MUC3A: variants seen among roughly 807,000 people sequenced by gnomAD.
MUC3A encodes the protein mucin 3A, cell surface associated.
Under a neutral mutation model 109.0 loss-of-function variants are expected in MUC3A, and 109 were observed. That is an observed-to-expected ratio of 1.00 (90% CI 0.86 to 1.17). The LOEUF (loss-of-function observed/expected upper bound fraction) is 1.17. Ranked by LOEUF, MUC3A falls within the 50% of genes most tolerant of loss-of-function variation. MUC3A has a pLI of 0.00. For missense variants in MUC3A, 3,537 were observed against 2,469.4 expected (o/e 1.43, Z -9.16); for synonymous variants, 1,398 against 981.4 (o/e 1.42, Z -7.93).
intron 4 of MUC3A, 98 bp from the exon 5 acceptor site, chr7:100,963,590 G>A: frequency 6.4e-7 from 1 of 1,573,398 alleles, no homozygotes; most frequent in Non-Finnish European, 8.6e-7. Flanking sequence ...CGGCCGGGGA[G>A]GGGAATTGAA....
Position 100,967,325 on chromosome 7 carries a change from C to G in MUC3A, c.*163C>G. On this transcript the variant is annotated 3_prime_UTR_variant, in exon 12 of 12. Coordinates refer to ENST00000379458, the MANE Select transcript of MUC3A (RefSeq NM_005960.2). The stretch of plus-strand genomic sequence containing the variant: ...CCAAATCCCATCCTTCTCCTTCCAA[C>G]TTGGCTGAAACCCACCTGGAGACGC... 8.2e-7 allele frequency: 1 copy of G among 1,226,138 alleles called. No homozygotes were observed. 76.0% of individuals were successfully genotyped at this position (1,226,138 alleles called of 1,614,324 possible).
Position 100,958,611 on chromosome 7 carries a change from A to T in MUC3A, c.6832A>T (p.Thr2278Ser). 15 of 1,109,776 alleles carry T rather than the reference A, an allele frequency of 1.4e-5. 1 individual carries two copies. The African/African-American group carries it at 4.6e-4, about 34-fold the overall frequency. The allele number at this position is 1,109,776 out of a possible 1,614,324, so 68.7% of individuals were successfully genotyped here. ...TACTCCCAGCTTCACTTCTTCAATC[A>T]CCACCAGTGAGACCCCCTCACACAG... ...HDTPSFTSSI[T>S]TSETPSHSTP... Residue 2278 changes from threonine (T) to serine (S), a missense_variant, in exon 2 of 12, where the codon ACC (threonine) becomes TCC (serine). Thr to Ser is a moderately conservative substitution (Grantham distance 58). Transcript: ENST00000379458.
rs764356902 is a variant in MUC3A at position 100,958,840 on chromosome 7, G to A, written c.7061G>A (p.Ser2354Asn). The A allele has an allele frequency of 2.6e-6, 4 of 1,529,334 alleles. No homozygotes were observed. Among genetic ancestry groups the A allele is most frequent in the Non-Finnish European group, 1.8e-6 (2 of 1,139,716 alleles). The allele number at this position is 1,529,334 out of a possible 1,614,324, so 94.7% of individuals were successfully genotyped here. A position where few individuals can be genotyped will look rare whatever the true frequency, so the allele number is the denominator to read the frequency against. The change falls in exon 2 of 12, where the codon AGT becomes AAT. Residue 2354 changes from serine (S) to asparagine (N), a missense_variant. Coordinates refer to ENST00000379458, the MANE Select transcript of MUC3A (RefSeq NM_005960.2). ...ACCACCACCGAGACCAACTCTCACA[G>A]TACTACCAGCTTCACTTCTTCGATC... ...SITTTETNSH[S>N]TTSFTSSITT... is the part of the protein sequence containing the mutation.
At position 100,953,186 on chromosome 7, in the gene MUC3A, A is replaced by G. The variant is rs1194196348; in HGVS notation, c.1407A>G (p.Thr469=). 3 of 454,788 alleles carry G rather than the reference A, an allele frequency of 6.6e-6. No homozygotes were observed. The highest frequency in any genetic ancestry group is 1.1e-5 in the Non-Finnish European group (3 of 269,734). 28.2% of individuals were successfully genotyped at this position (454,788 alleles called of 1,614,324 possible). The part of the protein sequence containing the change: ...TGFLTTATDL[T]STFTVSSSSA... The stretch of plus-strand genomic sequence containing the variant: ...TCCTGACTACAGCAACAGACCTCAC[A>G]TCAACATTCACGGTTTCCAGTTCCT... Residue 469 remains threonine (T), a synonymous_variant, in exon 2 of 12, where the codon ACA becomes ACG. Coordinates refer to ENST00000379458, the MANE Select transcript of MUC3A (RefSeq NM_005960.2).
rs2116183424 is a variant in MUC3A at position 100,957,966 on chromosome 7, A to C, written c.6187A>C (p.Ile2063Leu). 2 of 780,204 alleles carry C rather than the reference A, an allele frequency of 2.6e-6. No individual in the cohort carries two copies. The highest frequency in any genetic ancestry group is 4.8e-5 in the East Asian group (2 of 41,240). The allele number at this position is 780,204 out of a possible 1,614,324, so 48.3% of individuals were successfully genotyped here. The change falls in exon 2 of 12, where the codon ATC (isoleucine) becomes CTC (leucine). Residue 2063 changes from isoleucine (I) to leucine (L), a missense_variant. Coordinates refer to ENST00000379458, the MANE Select transcript of MUC3A (RefSeq NM_005960.2). Reference sequence around the variant, plus strand: ...CAGTACTCCCAGCTTCACTTCATTGATCACCATCACCGAGATCACCTCACA... The same window carrying C: ...CAGTACTCCCAGCTTCACTTCATTGCTCACCATCACCGAGATCACCTCACA... Reference protein sequence around the residue: ...SHSTPSFTSLITITEITSHST... With the variant: ...SHSTPSFTSLLTITEITSHST...
rs775647017 is a variant in MUC3A, at chr7:100,952,026, C to A, written c.247C>A (p.His83Asn). Residue 83 changes from histidine to asparagine, a missense_variant, in exon 2 of 12, where the codon CAT becomes AAT. Coordinates refer to ENST00000379458, the MANE Select transcript of MUC3A (RefSeq NM_005960.2). The stretch of plus-strand genomic sequence containing the variant: ...ACCTATGACACTCACTACCTCCCCC[C>A]ATGACACACTCATCTCTGAAACATT... ...NAPMTLTTSP[H>N]DTLISETLLN... 6 of 1,598,560 alleles carry A rather than the reference C, an allele frequency of 3.8e-6. No individual in the cohort carries two copies. In the East Asian group the frequency reaches 6.7e-5, roughly 18 times the overall value.
rs1246020350 is a variant in MUC3A, at chr7:100,955,068, G to A, written c.3289G>A (p.Asp1097Asn). ...TACTTCTCCCACCAGCATTGTCTCA[G>A]ACTCCACGACTGAAATCACCTATTC... The part of the protein sequence containing the change: ...YPTSPTSIVS[D>N]STTEITYSTS... The change falls in exon 2 of 12, where the codon GAC (aspartate) becomes AAC (asparagine). Residue 1097 changes from aspartate (D) to asparagine (N), a missense_variant. Coordinates refer to ENST00000379458, the MANE Select transcript of MUC3A (RefSeq NM_005960.2). 8.4e-6 allele frequency: 5 copies of A among 591,848 alleles called. No individual in the cohort carries two copies. The highest frequency in any genetic ancestry group is 2.1e-5 in the South Asian group (1 of 47,764). The allele number at this position is 591,848 out of a possible 1,614,324, so 36.7% of individuals were successfully genotyped here. A position where few individuals can be genotyped will look rare whatever the true frequency, so the allele number is the denominator to read the frequency against.
Position 100,963,741 on chromosome 7 carries a change from C to A in MUC3A, c.9222C>A (p.Ile3074=), listed in dbSNP as rs991165058. 6 of 1,598,448 alleles carry A rather than the reference C, an allele frequency of 3.8e-6. No homozygotes were observed. The highest frequency in any genetic ancestry group is 1.6e-4 in the Middle Eastern group (1 of 6,082). The change falls in exon 5 of 12, where the codon ATC becomes ATA. Residue 3074 remains isoleucine, a synonymous_variant. Coordinates refer to ENST00000379458, the MANE Select transcript of MUC3A (RefSeq NM_005960.2). ...GCTTCACCTTCAAGGGTGTGGAGAT[C>A]CTGTCCCTGAGGTAGGAGACCCATC... The part of the protein sequence containing the change: ...MQGFTFKGVE[I]LSLRNGSIVV...
intron 8 of MUC3A, 39 bp downstream of exon 8, chr7:100,965,905 C>G (rs1238967158): frequency 1.3e-6 from 2 of 1,554,798 alleles, no homozygotes; most frequent in South Asian, 2.4e-5. Flanking sequence ...CCGAGCCCCT[C>G]CCACTCATTC....
chr7:100,961,329 T>A (rs1331670122), intron 3 of MUC3A, among the ~76,000 whole-genome samples: 5 of 99,512 alleles, frequency 5.0e-5, no homozygotes, highest in African/African-American at 2.1e-4. Flanking sequence ...GTGTTGTCTT[T>A]CAGCGGCTCC....
At chr7:100,963,778 A>G in intron 5 of MUC3A, 26 bp downstream of exon 5, 1 of 1,598,516 alleles carries the variant, frequency 6.3e-7, no homozygotes, top group Non-Finnish European at 8.5e-7. Flanking sequence ...GGGGATGCGG[A>G]GGCGGTGTTG....
Position 100,956,146 on chromosome 7 carries a change from C to A in MUC3A, c.4367C>A (p.Ser1456Tyr), listed in dbSNP as rs1792090201. 2.2e-6 allele frequency: 1 copy of A among 451,202 alleles called. No individual in the cohort carries two copies. Among genetic ancestry groups the A allele is most frequent in the Non-Finnish European group, 3.9e-6 (1 of 257,888 alleles). 27.9% of individuals were successfully genotyped at this position (451,202 alleles called of 1,614,324 possible). A position where few individuals can be genotyped will look rare whatever the true frequency, so the allele number is the denominator to read the frequency against. The change falls in exon 2 of 12, where the codon TCT (serine) becomes TAT (tyrosine). Residue 1456 changes from serine to tyrosine, a missense_variant. Ser to Tyr is a moderately radical substitution (Grantham distance 144). Coordinates refer to ENST00000379458, the MANE Select transcript of MUC3A (RefSeq NM_005960.2). ...VTTLPITITR[S>Y]TLTSETAYPS... ...ACACTCCCCATTACCATCACCAGGT[C>A]TACACTTACATCTGAGACCGCCTAC... is the stretch of plus-strand genomic sequence containing the variant.
chr7:100,957,485 C>A lies in MUC3A; in HGVS notation c.5706C>A (p.His1902Gln). The A allele has an allele frequency of 6.6e-7, 1 of 1,518,248 alleles. No individual in the cohort carries two copies. The highest frequency in any genetic ancestry group is 1.9e-5 in the Admixed American group (1 of 53,426). The allele number at this position is 1,518,248 out of a possible 1,614,324, so 94.0% of individuals were successfully genotyped here. ...LVTTTTKITS[H>Q]STPSFTSSIA... Reference sequence around the variant, plus strand: ...CCACGACCACCAAGATCACCTCACACAGTACTCCTAGCTTCACTTCTTCAA... The same window carrying A: ...CCACGACCACCAAGATCACCTCACAAAGTACTCCTAGCTTCACTTCTTCAA... The change falls in exon 2 of 12, where the codon CAC becomes CAA. Residue 1902 changes from histidine (H) to glutamine (Q), a missense_variant. Transcript: ENST00000379458.
chr7:100,960,045 A>C lies in MUC3A; in HGVS notation c.8266A>C (p.Thr2756Pro), dbSNP rs772494170. ...SSLTTALTEI[T>P]PFSYISLPST... ...TCTGACCACAGCTCTCACTGAAATAACCCCCTTTTCTTATATTTCCCTTCC... is the reference window on the plus strand; with the variant it reads ...TCTGACCACAGCTCTCACTGAAATACCCCCCTTTTCTTATATTTCCCTTCC... Residue 2756 changes from threonine to proline, a missense_variant, in exon 2 of 12, where the codon ACC (threonine) becomes CCC (proline). Transcript: ENST00000379458. 6.6e-7 allele frequency: 1 copy of C among 1,508,828 alleles called. No individual in the cohort carries two copies. Among genetic ancestry groups the C allele is most frequent in the Admixed American group, 2.2e-5 (1 of 44,508 alleles). 93.5% of individuals were successfully genotyped at this position (1,508,828 alleles called of 1,614,324 possible). A position where few individuals can be genotyped will look rare whatever the true frequency, so the allele number is the denominator to read the frequency against.
chr7:100,966,091 C>T, intron 8 of MUC3A: 2 of 685,136 alleles, frequency 2.9e-6, no homozygotes, highest in Non-Finnish European at 4.4e-6. Flanking sequence ...GGGAGAGAAC[C>T]CCGCCCACTC....
chr7:100,964,098 C>T (rs1486580900), intron 5 of MUC3A: 16 of 474,628 alleles, frequency 3.4e-5, no homozygotes, highest in South Asian at 7.3e-5. Context: ...AGGGAGAGAA[C>T]GCACGTCTAG....
Position 100,960,075 on chromosome 7 carries a change from A to C in MUC3A, c.8296A>C (p.Thr2766Pro). The C allele has an allele frequency of 6.6e-7, 1 of 1,514,852 alleles. No homozygotes were observed. Among genetic ancestry groups the C allele is most frequent in the Non-Finnish European group, 8.8e-7 (1 of 1,141,374 alleles). The allele number at this position is 1,514,852 out of a possible 1,614,324, so 93.8% of individuals were successfully genotyped here. The change falls in exon 2 of 12, where the codon ACC (threonine) becomes CCC (proline). Residue 2766 changes from threonine to proline, a missense_variant. Physicochemically the swap from Thr to Pro is conservative, Grantham distance 38. Transcript: ENST00000379458. ...CTTTTCTTATATTTCCCTTCCCTCC[A>C]CCACACCCTGTCCAGGAACTATAAC... ...TPFSYISLPS[T>P]TPCPGTITIT...
intron 1 of MUC3A, among the ~76,000 whole-genome samples, chr7:100,951,423 G>C (rs1308478720): frequency 2.0e-5 from 3 of 152,250 alleles, no homozygotes; most frequent in East Asian, 3.8e-4. Context: ...GGGAGAAGCA[G>C]TGGTGGGAGC....
Position 100,957,441 on chromosome 7 carries a change from CCAA to C in MUC3A, c.5669_5671del (p.Thr1890del), listed in dbSNP as rs1792127895. ...CCTCACCACAGTAACAGCCACAGTT[CCAA>C]CAACAAACTTGGTAACCACGACCAC... On this transcript the variant is annotated inframe_deletion, in exon 2 of 12. Transcript: ENST00000379458. The C allele has an allele frequency of 8.0e-7, 1 of 1,253,668 alleles. No homozygotes were observed. Among genetic ancestry groups the C allele is most frequent in the African/African-American group, 1.5e-5 (1 of 66,212 alleles). 77.7% of individuals were successfully genotyped at this position (1,253,668 alleles called of 1,614,324 possible). A position where few individuals can be genotyped will look rare whatever the true frequency, so the allele number is the denominator to read the frequency against.
Sources: allele counts gnomAD v4.1 joint callset (sites outside exome capture counted in the v4.1 genomes callset), GRCh38; gene constraint gnomAD v4.1.1; transcripts MANE v1.5; gene names NCBI Gene and HGNC (gene_info 2026-07-23, HGNC 2026-07-21).